Variants in CDH23 observed in about 807,000 individuals in gnomAD.
CDH23 encodes the protein cadherin-23.
In CDH23, 189 loss-of-function variants were observed where a neutral mutation model predicts 317.1. The ratio of observed to expected loss-of-function variants is 0.60; its 90% CI spans 0.53 to 0.67. CDH23 has a LOEUF of 0.67. Ranked by LOEUF, CDH23 falls within the 30% of genes least tolerant of loss-of-function variation. The pLI is 0.00. For synonymous variants in CDH23, 1,839 were observed against 1,876.8 expected, an observed-to-expected ratio of 0.98 and a Z score of 0.52; for missense variants, 4,401 against 4,592.4, an observed-to-expected ratio of 0.96 and a Z score of 1.20.
chr10:71,777,893 A>G lies in CDH23; in HGVS notation c.5059A>G (p.Arg1687Gly), dbSNP rs775135668. Reference sequence around the variant, plus strand: ...CATCGTCAACACCTTCCGCATCGACAGACACATGGTCAGCAGCTGATGGCA... The same window carrying G: ...CATCGTCAACACCTTCCGCATCGACGGACACATGGTCAGCAGCTGATGGCA... ...GNIVNTFRID[R>G]HMGVITAAKE... Residue 1687 changes from arginine to glycine, a missense_variant, in exon 39 of 70, where the codon AGA becomes GGA. Around this residue, in one of 3 missense-constraint regions of CDH23, gnomAD observed 3,068 missense variants for 3,203.3 expected, o/e 0.96. Transcript: ENST00000224721. The G allele has an allele frequency of 6.2e-7, 1 of 1,613,972 alleles. No individual in the cohort carries two copies. The highest frequency in any genetic ancestry group is 1.1e-5 in the South Asian group (1 of 91,068).
intron 41 of CDH23, among the ~76,000 whole-genome samples, chr10:71,782,899 A>G (rs1314059340): frequency 6.6e-6 from 1 of 152,216 alleles, no homozygotes; most frequent in East Asian, 1.9e-4. Flanking sequence ...TCCCAGCTGC[A>G]GGTGGGACTG....
intron 1 of CDH23, among the ~76,000 whole-genome samples, chr10:71,414,049 G>T (rs973671767): frequency 1.3e-4 from 17 of 129,692 alleles, no homozygotes; most frequent in African/African-American, 4.8e-4. Context: ...CCTGGGTTTT[G>T]TGTGTGTGTG....
chr10:71,692,954 A>G (rs938884270), intron 20 of CDH23, among the ~76,000 whole-genome samples: 1 of 152,244 alleles, frequency 6.6e-6, no homozygotes, highest in South Asian at 2.1e-4. Context: ...TCTGCATGGA[A>G]GTCACACTAA....
At chr10:71,731,885 G>T in intron 31 of CDH23, 102 bp from the exon 32 acceptor site, 2 of 1,307,846 alleles carry the variant, frequency 1.5e-6, no homozygotes, top group Non-Finnish European at 2.1e-6. Flanking sequence ...AGCCCATGCT[G>T]GGTGGGCCAC....
rs1841945172 is a variant in CDH23, at chr10:71,811,966, TTCA to T, written c.9334_9336del (p.Ile3112del). ...CCTTCTCCCTGCAGGGAATCGTGGCTTCATCGACATCATGGACATGCCTAACAC... is the reference window on the plus strand; with the variant it reads ...CCTTCTCCCTGCAGGGAATCGTGGCTTCGACATCATGGACATGCCTAACAC... On this transcript the variant is annotated inframe_deletion, in exon 66 of 70. Transcript: ENST00000224721. 3.2e-6 allele frequency: 5 copies of T among 1,585,346 alleles called. No individual in the cohort carries two copies. The highest frequency in any genetic ancestry group is 4.3e-6 in the Non-Finnish European group (5 of 1,164,518).
rs567585769 is a variant in CDH23, at chr10:71,656,523, G to A, written c.1449+9906G>A. ...TCCCTGTCTGTTCCAGGGGCAGGAG[G>A]CAGATGATGAACAAGGAATTTCAGA... On this transcript the variant is annotated intron_variant, in intron 14 of 69. Transcript: ENST00000224721. 2.0e-5 allele frequency among the ~76,000 whole-genome samples: 3 copies of A among 152,360 alleles called. No individual in the cohort carries two copies. In the East Asian group the frequency reaches 5.8e-4, roughly 29 times the overall value.
intron 6 of CDH23, among the ~76,000 whole-genome samples, chr10:71,531,140 G>A (rs1723362525): frequency 6.6e-6 from 1 of 152,228 alleles, no homozygotes; most frequent in Non-Finnish European, 1.5e-5. Flanking sequence ...TCACCCCTAA[G>A]AGGCTGCCAC....
intron 1 of CDH23, among the ~76,000 whole-genome samples, chr10:71,431,205 T>C (rs1849355309): frequency 6.6e-6 from 1 of 152,252 alleles, no homozygotes; most frequent in Non-Finnish European, 1.5e-5. Flanking sequence ...TGCTGTATGA[T>C]ATTTTTAAGA....
rs548241645 is a variant in CDH23 at position 71,423,332 on chromosome 10, C to T, written c.-5-16495C>T. Among the ~76,000 whole-genome samples the T allele has an allele frequency of 3.3e-5, 5 of 152,314 alleles. No homozygotes were observed. In the South Asian group the frequency reaches 8.3e-4, roughly 25 times the overall value. On this transcript the variant is annotated intron_variant, in intron 1 of 69. Coordinates refer to ENST00000224721, the MANE Select transcript of CDH23 (RefSeq NM_022124.6). The stretch of plus-strand genomic sequence containing the variant: ...AGCCCTGTTGAAGGAGGAGAAGGAA[C>T]TTGCTGTGGATTTGGTGCCTCTACA...
chr10:71,677,837 T>C (rs1864440357), intron 16 of CDH23, 144 bp downstream of exon 16: 2 of 695,306 alleles, frequency 2.9e-6, no homozygotes, highest in Admixed American at 2.4e-5. Flanking sequence ...ACAATCAGAG[T>C]TCATTGCGGC....
chr10:71,488,277 G>C (rs1392431555), intron 3 of CDH23, among the ~76,000 whole-genome samples: 1 of 152,250 alleles, frequency 6.6e-6, no homozygotes, highest in East Asian at 1.9e-4. Flanking sequence ...AGGTTTTCCA[G>C]ACAGAGGAAC....
At chr10:71,614,029 G>T (rs1386870220) in intron 9 of CDH23, among the ~76,000 whole-genome samples, 10 of 152,228 alleles carry the variant, frequency 6.6e-5, no homozygotes, top group Non-Finnish European at 1.5e-4. Context: ...TATTTTACAA[G>T]TGAGGAACCA....
chr10:71,688,889 G>A (rs916823289), intron 19 of CDH23, among the ~76,000 whole-genome samples: 1 of 121,570 alleles, frequency 8.2e-6, no homozygotes. Context: ...AGCCAGGGGT[G>A]GTGGAGCCAG....
intron 11 of CDH23, among the ~76,000 whole-genome samples, chr10:71,618,611 G>A (rs111427810): frequency 3.9e-5 from 6 of 152,146 alleles, no homozygotes; most frequent in Non-Finnish European, 7.3e-5. Context: ...TGGGGCTGCC[G>A]CGGTGGCCTT....
chr10:71,611,544 G>A (rs1860894648), intron 9 of CDH23, among the ~76,000 whole-genome samples: 1 of 152,180 alleles, frequency 6.6e-6, no homozygotes, highest in Non-Finnish European at 1.5e-5. Context: ...TGTGTCCCCA[G>A]CACTATATTA....
chr10:71,645,913 A>G lies in CDH23; in HGVS notation c.1223A>G (p.Lys408Arg). The G allele has an allele frequency of 1.9e-6, 3 of 1,613,608 alleles. No homozygotes were observed. Among genetic ancestry groups the G allele is most frequent in the Non-Finnish European group, 8.5e-7 (1 of 1,179,706 alleles). ...FIISPTSVQG[K>R]ADIRIRVAIP... ...ATCTCCCCGACCTCCGTCCAGGGGA[A>G]GGCGGACATTCGTATTCGGGTGGCC... Residue 408 changes from lysine (K) to arginine (R), a missense_variant, in exon 13 of 70, where the codon AAG becomes AGG. Physicochemically the swap from Lys to Arg is conservative, Grantham distance 26. Transcript: ENST00000224721.
chr10:71,570,656 G>A (rs1174262965), intron 7 of CDH23, 134 bp from the exon 8 acceptor site: 3 of 943,460 alleles, frequency 3.2e-6, no homozygotes, highest in African/African-American at 1.7e-5. Context: ...GCAAGAGCAT[G>A]GGTGTGTGTG....
At chr10:71,715,897 G>A (rs747271641) in intron 28 of CDH23, 11 of 1,437,558 alleles carry the variant, frequency 7.7e-6, no homozygotes, top group Non-Finnish European at 1.0e-5. Flanking sequence ...TCTACAGGTA[G>A]ACCTAGGGGG....
At chr10:71,528,527 G>C (rs1469088206) in intron 6 of CDH23, among the ~76,000 whole-genome samples, 1 of 152,190 alleles carries the variant, frequency 6.6e-6, no homozygotes, top group Non-Finnish European at 1.5e-5. Context: ...CAGCTTTTTT[G>C]TTTTTGGTTA....
Sources: allele counts gnomAD v4.1 joint callset (sites outside exome capture counted in the v4.1 genomes callset), GRCh38; gene constraint gnomAD v4.1.1; regional missense constraint gnomAD v4.1.1; transcripts MANE v1.5; gene names NCBI Gene and HGNC (gene_info 2026-07-23, HGNC 2026-07-21).